SLC4A10: variants seen among roughly 807,000 people sequenced by gnomAD.
SLC4A10 encodes the protein solute carrier family 4 member 10.
SLC4A10 carries 42 observed loss-of-function variants against 137.7 expected under a neutral mutation model. The ratio of observed to expected loss-of-function variants is 0.30; its 90% CI spans 0.24 to 0.39. The LOEUF is 0.39. Among genes scored for constraint, SLC4A10 ranks in the 10% least tolerant of loss-of-function variants. The pLI is 1.00. For missense variants in SLC4A10, 925 were observed against 1,355.0 expected (o/e 0.68, Z 4.98); for synonymous variants, 474 against 464.1 (o/e 1.02, Z -0.27).
chr2:161,872,291 A>G lies in SLC4A10; in HGVS notation c.767-2A>G, dbSNP rs756449501. 1.9e-6 allele frequency: 3 copies of G among 1,611,542 alleles called. No individual in the cohort carries two copies. In the Admixed American group the frequency reaches 5.0e-5, roughly 27 times the overall value. ...GTATTCTGTCACAACAATCTCTTTT[A>G]GCAGGTCAGGTTGTTTCTCCTCAGT... On this transcript the variant is annotated splice_acceptor_variant, in intron 6 of 26. Coordinates refer to ENST00000446997, the MANE Select transcript of SLC4A10 (RefSeq NM_001178015.2). LOFTEE classifies it high-confidence loss of function.
intron 3 of SLC4A10, among the ~76,000 whole-genome samples, chr2:161,809,942 A>G (rs981218103): frequency 3.3e-5 from 5 of 152,070 alleles, no homozygotes; most frequent in African/African-American, 1.2e-4. Context: ...TAGAGATCGT[A>G]TTGAATTCTG....
intron 15 of SLC4A10, among the ~76,000 whole-genome samples, chr2:161,934,893 T>G (rs1691295476): frequency 6.6e-6 from 1 of 152,220 alleles, no homozygotes; most frequent in African/African-American, 2.4e-5. Context: ...GGTTGTATAT[T>G]CACTCTGCTG....
chr2:161,711,506 C>T (rs1327067632), intron 1 of SLC4A10, among the ~76,000 whole-genome samples: 1 of 151,786 alleles, frequency 6.6e-6, no homozygotes, highest in Non-Finnish European at 1.5e-5. Context: ...TTAGCTGCTG[C>T]TTGGTGAACA....
At chr2:161,891,596 A>G (rs956856246) in intron 10 of SLC4A10, among the ~76,000 whole-genome samples, 4 of 151,984 alleles carry the variant, frequency 2.6e-5, no homozygotes, top group Admixed American at 2.0e-4. Flanking sequence ...TCAGCTATCA[A>G]TACTTCTGTA....
intron 15 of SLC4A10, among the ~76,000 whole-genome samples, chr2:161,916,757 G>T (rs898986245): frequency 6.6e-6 from 1 of 151,968 alleles, no homozygotes; most frequent in Non-Finnish European, 1.5e-5. Flanking sequence ...ATATTTTTTG[G>T]CTTGGAATGT....
chr2:161,985,165 C>A lies in SLC4A10; in HGVS notation c.*2013C>A, dbSNP rs565605921. ...TAAATATCTTGAATGTAATTTAGTG[C>A]CAAGTTTAAATAATGTGTAAATGTG... On this transcript the variant is annotated 3_prime_UTR_variant, in exon 27 of 27. Transcript: ENST00000446997. 1 of 151,910 alleles carries A rather than the reference C, an allele frequency of 6.6e-6. No homozygotes were observed. The highest frequency in any genetic ancestry group is 1.5e-5 in the Non-Finnish European group (1 of 67,896). The allele number at this position is 151,910 out of a possible 1,614,324, so 9.4% of individuals were successfully genotyped here.
At chr2:161,709,601 C>T (rs146904864) in intron 1 of SLC4A10, among the ~76,000 whole-genome samples, 20 of 151,596 alleles carry the variant, frequency 1.3e-4, no homozygotes, top group African/African-American at 4.6e-4. Flanking sequence ...GAGCTTCGTC[C>T]TTTGCTTACT....
chr2:161,913,024 A>G (rs1686228517), intron 15 of SLC4A10, among the ~76,000 whole-genome samples: 1 of 152,166 alleles, frequency 6.6e-6, no homozygotes, highest in African/African-American at 2.4e-5. Flanking sequence ...AGATGAAGTC[A>G]AAGTATCAAA....
At chr2:161,725,143 G>A (rs771633425) in intron 1 of SLC4A10, among the ~76,000 whole-genome samples, 1 of 152,146 alleles carries the variant, frequency 6.6e-6, no homozygotes, top group Non-Finnish European at 1.5e-5. Flanking sequence ...ATTGGCTGAG[G>A]TATGTAAGTA....
At chr2:161,743,332 C>T (rs191598394) in intron 1 of SLC4A10, among the ~76,000 whole-genome samples, 21 of 152,304 alleles carry the variant, frequency 1.4e-4, no homozygotes, top group African/African-American at 4.1e-4. Context: ...TATTCTTCTA[C>T]ATAAGAATAT....
chr2:161,698,768 C>CT (rs962184493), intron 1 of SLC4A10, among the ~76,000 whole-genome samples: 6 of 152,034 alleles, frequency 3.9e-5, no homozygotes, highest in Non-Finnish European at 8.8e-5. Context: ...GTAAAATTCT[C>CT]TTTTTTTGTT....
intron 3 of SLC4A10, among the ~76,000 whole-genome samples, chr2:161,823,233 G>A (rs1036528771): frequency 6.6e-6 from 1 of 152,172 alleles, no homozygotes; most frequent in African/African-American, 2.4e-5. Flanking sequence ...ATTGGCAACT[G>A]AGAGAAATGT....
At chr2:161,784,284 A>G (rs2053379557) in intron 2 of SLC4A10, among the ~76,000 whole-genome samples, 1 of 151,872 alleles carries the variant, frequency 6.6e-6, no homozygotes, top group Non-Finnish European at 1.5e-5. Flanking sequence ...CAACACAATA[A>G]TAGTAGGATA....
intron 1 of SLC4A10, chr2:161,650,961 A>T (rs1204050575): frequency 1.3e-5 from 2 of 152,326 alleles, no homozygotes; most frequent in Non-Finnish European, 2.9e-5. Context: ...TTTGAGCCAG[A>T]GATGGCCTGA....
intron 1 of SLC4A10, among the ~76,000 whole-genome samples, chr2:161,763,711 A>C (rs1038933834): frequency 6.6e-6 from 1 of 152,162 alleles, no homozygotes; most frequent in Non-Finnish European, 1.5e-5. Flanking sequence ...ACCCTCTGGC[A>C]TGGTCTCTTC....
intron 1 of SLC4A10, among the ~76,000 whole-genome samples, chr2:161,682,094 G>A (rs1346930319): frequency 1.3e-5 from 2 of 151,962 alleles, no homozygotes; most frequent in African/African-American, 4.8e-5. Context: ...TCCAAATATG[G>A]CAGTCCCAAA....
chr2:161,864,243 A>T (rs1559413969), intron 6 of SLC4A10, among the ~76,000 whole-genome samples: 1 of 152,182 alleles, frequency 6.6e-6, no homozygotes, highest in African/African-American at 2.4e-5. Flanking sequence ...AAAATTAATG[A>T]AAAGTATTTT....
intron 4 of SLC4A10, among the ~76,000 whole-genome samples, chr2:161,841,101 AG>A (rs1484656779): frequency 6.6e-6 from 1 of 152,076 alleles, no homozygotes; most frequent in African/African-American, 2.4e-5. Context: ...TGTCTGAGAC[AG>A]AGTCTCACTC....
At chr2:161,963,243 A>T (rs1490042121) in intron 21 of SLC4A10, among the ~76,000 whole-genome samples, 1 of 152,162 alleles carries the variant, frequency 6.6e-6, no homozygotes, top group Non-Finnish European at 1.5e-5. Flanking sequence ...TGCTTGATTA[A>T]AAAAGCCCTC....
Sources: gnomAD v4.1 joint callset for allele counts (sites outside exome capture counted in the v4.1 genomes callset) on GRCh38, gnomAD v4.1.1 for gene constraint, MANE v1.5 for transcripts, NCBI Gene and HGNC (gene_info 2026-07-23, HGNC 2026-07-21) for gene names.